Variants in DNAAF1 observed in about 807,000 individuals in gnomAD.
DNAAF1 encodes dynein axonemal assembly factor 1, also known as dynein assembly factor 1, axonemal.
DNAAF1 carries 65 observed loss-of-function variants against 71.1 expected under a neutral mutation model. The observed-to-expected ratio is 0.91, with a 90% CI of 0.75 to 1.12. The LOEUF is 1.12. Ranked by LOEUF, DNAAF1 falls within the 50% of genes most tolerant of loss-of-function variation. The pLI, the probability that DNAAF1 is intolerant of heterozygous loss-of-function variation, is 0.00. For missense variants in DNAAF1, 1,178 were observed against 899.8 expected (o/e 1.31, Z -3.96); for synonymous variants, 414 against 354.6 (o/e 1.17, Z -1.88).
In DNAAF1 at chr16:84,152,815, G is replaced by C. The variant is rs552080142; in HGVS notation, c.353-1762G>C. On this transcript the variant is annotated intron_variant, in intron 3 of 11. Transcript: ENST00000378553. Reference sequence around the variant, plus strand: ...CTAAAAATACAAAAATTAGCCAGGTGTGGTGATGGCGGGTACCTGTAATCT... The same window carrying C: ...CTAAAAATACAAAAATTAGCCAGGTCTGGTGATGGCGGGTACCTGTAATCT... Among the ~76,000 whole-genome samples, 20 of 152,222 alleles carry C rather than the reference G, an allele frequency of 1.3e-4. No individual in the cohort carries two copies. In the East Asian group the frequency reaches 3.3e-3, roughly 25 times the overall value.
chr16:84,149,180 A>T (rs1215605953), intron 2 of DNAAF1, 38 bp downstream of exon 2: 8 of 1,613,022 alleles, frequency 5.0e-6, no homozygotes, highest in Non-Finnish European at 6.8e-6. Flanking sequence ...ACATTTATGG[A>T]GTAAGGTAGA....
At chr16:84,173,249 G>A (rs564919398) in intron 9 of DNAAF1, 2 of 896,826 alleles carry the variant, frequency 2.2e-6, no homozygotes, top group Admixed American at 1.3e-4. Context: ...GGATCACGAG[G>A]TCAGGAGATC....
At chr16:84,171,743 C>G (rs1023712063) in intron 8 of DNAAF1, among the ~76,000 whole-genome samples, 4 of 152,298 alleles carry the variant, frequency 2.6e-5, no homozygotes, top group Admixed American at 2.6e-4. Flanking sequence ...GGCCGGTGCT[C>G]TTCATCTCAT....
At chr16:84,154,504 A>C in intron 3 of DNAAF1, 73 bp from the exon 4 acceptor site, 1 of 1,391,556 alleles carries the variant, frequency 7.2e-7, no homozygotes, top group Non-Finnish European at 1.0e-6. Flanking sequence ...AATAGTAGGC[A>C]AAAACAAGGG....
intron 8 of DNAAF1, 146 bp downstream of exon 8, chr16:84,170,502 T>C (rs1257389083): frequency 3.0e-6 from 4 of 1,347,152 alleles, no homozygotes; most frequent in Non-Finnish European, 4.1e-6. Flanking sequence ...AGTTATCTTG[T>C]TTTCTAGAAC....
intron 10 of DNAAF1, chr16:84,175,136 G>A (rs1229113309): frequency 2.7e-5 from 7 of 258,848 alleles, no homozygotes; most frequent in African/African-American, 8.9e-5. Context: ...GATTACAGGC[G>A]TGAGCCACCG....
intron 7 of DNAAF1, among the ~76,000 whole-genome samples, chr16:84,167,849 C>T (rs1012864339): frequency 2.0e-5 from 3 of 152,074 alleles, no homozygotes; most frequent in Admixed American, 1.3e-4. Flanking sequence ...AACCCCGTCT[C>T]TACTAAAAAT....
chr16:84,153,948 T>C (rs1413008883), intron 3 of DNAAF1, among the ~76,000 whole-genome samples: 3 of 152,074 alleles, frequency 2.0e-5, no homozygotes, highest in Non-Finnish European at 4.4e-5. Context: ...TACCAGTCTT[T>C]TCAGCAAGAC....
At position 84,154,783 on chromosome 16, in the gene DNAAF1, A is replaced by G. The variant is rs1306043771; in HGVS notation, c.559A>G (p.Thr187Ala). 6.2e-7 allele frequency: 1 copy of G among 1,613,692 alleles called. No homozygotes were observed. Among genetic ancestry groups the G allele is most frequent in the Non-Finnish European group, 8.5e-7 (1 of 1,179,770 alleles). ...ALNLSNNYIK[T>A]IENLSCLPVL... Reference sequence around the variant, plus strand: ...TAACCTCAGCAACAATTACATCAAGACCATTGAAAACCTCTGTAAGGGTAC... The same window carrying G: ...TAACCTCAGCAACAATTACATCAAGGCCATTGAAAACCTCTGTAAGGGTAC... Residue 187 changes from threonine (T) to alanine (A), a missense_variant, in exon 4 of 12, where the codon ACC (threonine) becomes GCC (alanine). Thr to Ala is a moderately conservative substitution (Grantham distance 58). Coordinates refer to ENST00000378553, the MANE Select transcript of DNAAF1 (RefSeq NM_178452.6).
chr16:84,174,434 G>A (rs191387291), intron 9 of DNAAF1: 54 of 1,407,462 alleles, frequency 3.8e-5, no homozygotes, highest in Admixed American at 1.7e-4. Context: ...CTTTAAACAC[G>A]TCACACCTTG....
chr16:84,150,131 A>G, intron 2 of DNAAF1, 120 bp from the exon 3 acceptor site: 2 of 728,404 alleles, frequency 2.7e-6, no homozygotes, highest in Non-Finnish European at 5.0e-6. Context: ...TAAAATAGGT[A>G]TCAGGGATAT....
chr16:84,156,783 G>A (rs1189812722), intron 5 of DNAAF1, among the ~76,000 whole-genome samples: 2 of 150,044 alleles, frequency 1.3e-5, no homozygotes, highest in African/African-American at 2.5e-5. Context: ...CAGGATCAAT[G>A]TTTGACCCTT....
chr16:84,173,695 A>G (rs890629431), intron 9 of DNAAF1: 5 of 223,584 alleles, frequency 2.2e-5, no homozygotes, highest in African/African-American at 1.2e-4. Flanking sequence ...CATAAAAAAT[A>G]AAAAAAATAA....
chr16:84,177,277 G>GT (rs1032275327), intron 11 of DNAAF1: 2 of 257,756 alleles, frequency 7.8e-6, no homozygotes, highest in Non-Finnish European at 1.5e-5. Context: ...TGAATAATTT[G>GT]TTTTTGTTTG....
intron 6 of DNAAF1, among the ~76,000 whole-genome samples, chr16:84,162,576 T>A (rs1275369168): frequency 1.3e-5 from 2 of 151,996 alleles, no homozygotes; most frequent in East Asian, 3.9e-4. Flanking sequence ...ATCCCAGCAC[T>A]TTGGGAGGCG....
chr16:84,172,778 T>C, intron 9 of DNAAF1: 1 of 1,103,154 alleles, frequency 9.1e-7, no homozygotes, highest in Non-Finnish European at 1.1e-6. Flanking sequence ...CTTTATACAT[T>C]GTATCTTTTC....
intron 1 of DNAAF1, among the ~76,000 whole-genome samples, chr16:84,148,225 A>G (rs1298970954): frequency 6.6e-6 from 1 of 152,158 alleles, no homozygotes; most frequent in Non-Finnish European, 1.5e-5. Context: ...GAAACAGTGT[A>G]TAGTATTGCT....
chr16:84,168,942 A>G (rs1302770882), intron 7 of DNAAF1, among the ~76,000 whole-genome samples: 1 of 151,886 alleles, frequency 6.6e-6, no homozygotes, highest in Non-Finnish European at 1.5e-5. Flanking sequence ...ATCTCCTAAG[A>G]ACTGCCTGCA....
intron 7 of DNAAF1, 51 bp from the exon 8 acceptor site, chr16:84,169,808 C>T (rs766570401): frequency 1.2e-6 from 2 of 1,610,800 alleles, no homozygotes; most frequent in East Asian, 2.2e-5. Context: ...CACAAACACC[C>T]TTGTCCTCCC....
Sources: allele counts gnomAD v4.1 joint callset (sites outside exome capture counted in the v4.1 genomes callset), GRCh38; gene constraint gnomAD v4.1.1; transcripts MANE v1.5; gene names NCBI Gene and HGNC (gene_info 2026-07-23, HGNC 2026-07-21).